ACSS3: variants seen among roughly 807,000 people sequenced by gnomAD.
ACSS3 encodes the protein acyl-CoA synthetase short chain family member 3.
In ACSS3, 64 loss-of-function variants were observed where a neutral mutation model predicts 84.2. The observed-to-expected ratio is 0.76, with a 90% confidence interval of 0.62 to 0.94. The LOEUF is 0.94. Among genes scored for constraint, ACSS3 ranks in the 40% least tolerant of loss-of-function variants. The pLI, the probability that ACSS3 is intolerant of heterozygous loss-of-function variation, is 0.00. For missense variants in ACSS3, 815 were observed against 867.6 expected (o/e 0.94, Z 0.76); for synonymous variants, 317 against 310.1 (o/e 1.02, Z -0.23).
rs757871389 is a variant in ACSS3, at chr12:81,134,812, A to T, written c.457-4A>T. ...ACTTTACTGATTTAATGGTCTTGGC[A>T]TAGGTCTCCAAGCTGGCTGGTGTCT... On this transcript the variant is annotated splice_region_variant and splice_polypyrimidine_tract_variant and intron_variant, in intron 2 of 15. Transcript: ENST00000548058. The T allele has an allele frequency of 4.5e-6, 7 of 1,549,868 alleles. No homozygotes were observed. The Admixed American group carries it at 9.1e-5, about 20-fold the overall frequency.
intron 8 of ACSS3, among the ~76,000 whole-genome samples, chr12:81,176,640 GA>G (rs1460440086): frequency 6.6e-6 from 1 of 151,590 alleles, no homozygotes; most frequent in Non-Finnish European, 1.5e-5. Context: ...AACCCTTAAT[GA>G]ACCAATAAGG....
chr12:81,171,652 A>C (rs1407324658), intron 7 of ACSS3, among the ~76,000 whole-genome samples: 1 of 152,182 alleles, frequency 6.6e-6, no homozygotes, highest in Non-Finnish European at 1.5e-5. Context: ...GACGAAAATT[A>C]GTTTGGTACA....
intron 1 of ACSS3, among the ~76,000 whole-genome samples, chr12:81,082,426 T>C (rs1161235983): frequency 6.6e-6 from 1 of 151,812 alleles, no homozygotes; most frequent in Non-Finnish European, 1.5e-5. Flanking sequence ...ATGAGAGGGG[T>C]CTAGAGGAAA....
At chr12:81,217,065 T>C (rs2032946505) in intron 10 of ACSS3, 69 bp downstream of exon 10, 1 of 1,293,608 alleles carries the variant, frequency 7.7e-7, no homozygotes, top group Non-Finnish European at 1.1e-6. Context: ...GTGTGTATTA[T>C]GTTGCATGAA....
At chr12:81,132,475 T>C (rs1169780677) in intron 2 of ACSS3, among the ~76,000 whole-genome samples, 3 of 152,174 alleles carry the variant, frequency 2.0e-5, no homozygotes, top group Non-Finnish European at 4.4e-5. Flanking sequence ...GGTGGTGATA[T>C]CCCCTTTATC....
At position 81,260,183 on chromosome 12, in the gene ACSS3, GA is replaced by G; in HGVS notation, c.*5264del. The G allele has an allele frequency of 6.6e-6, 1 of 152,210 alleles. No homozygotes were observed. Among genetic ancestry groups the G allele is most frequent in the Non-Finnish European group, 1.5e-5 (1 of 68,084 alleles). 9.4% of individuals were successfully genotyped at this position (152,210 alleles called of 1,614,324 possible). On this transcript the variant is annotated 3_prime_UTR_variant, in exon 16 of 16. Coordinates refer to ENST00000548058, the MANE Select transcript of ACSS3 (RefSeq NM_024560.4). The stretch of plus-strand genomic sequence containing the variant: ...CACAATTGCTATTACTGACACAAAA[GA>G]AACAGCAAGTAGTATGCTCTGGATT...
chr12:81,204,773 A>G (rs904559640), intron 9 of ACSS3, among the ~76,000 whole-genome samples: 1 of 152,196 alleles, frequency 6.6e-6, no homozygotes, highest in Non-Finnish European at 1.5e-5. Context: ...CCTTATGTCC[A>G]GGTACTGATG....
intron 1 of ACSS3, among the ~76,000 whole-genome samples, chr12:81,087,657 A>AT (rs1183999690): frequency 6.6e-6 from 1 of 151,916 alleles, no homozygotes; most frequent in Non-Finnish European, 1.5e-5. Context: ...CTCTCCATAC[A>AT]TTTTTTCTTA....
At chr12:81,209,288 G>A (rs991935932) in intron 9 of ACSS3, among the ~76,000 whole-genome samples, 4 of 150,312 alleles carry the variant, frequency 2.7e-5, no homozygotes, top group African/African-American at 9.8e-5. Flanking sequence ...AATGTTTTTT[G>A]TTAACTACAT....
chr12:81,179,396 G>A (rs11114781), intron 8 of ACSS3, among the ~76,000 whole-genome samples: 27,122 of 151,208 alleles, frequency 0.18, 2,768 homozygotes, highest in East Asian at 0.4. Context: ...AACAGACAAC[G>A]TAGAGTATGG....
At chr12:81,152,484 T>A (rs1886660770) in intron 7 of ACSS3, among the ~76,000 whole-genome samples, 2 of 152,188 alleles carry the variant, frequency 1.3e-5, no homozygotes. Context: ...TTGTCTCAAT[T>A]TTAAATAAAT....
At chr12:81,234,865 A>T (rs574061612) in intron 13 of ACSS3, among the ~76,000 whole-genome samples, 1 of 151,288 alleles carries the variant, frequency 6.6e-6, no homozygotes, top group South Asian at 2.1e-4. Context: ...TTATTTTATT[A>T]AAAGTGTCCA....
intron 3 of ACSS3, among the ~76,000 whole-genome samples, chr12:81,137,374 T>C (rs1885866117): frequency 6.7e-6 from 1 of 148,542 alleles, no homozygotes; most frequent in South Asian, 2.1e-4. Context: ...CCCCTAATAC[T>C]CCTTTGTTAA....
chr12:81,192,794 A>G (rs2031638334), intron 8 of ACSS3, among the ~76,000 whole-genome samples: 1 of 152,216 alleles, frequency 6.6e-6, no homozygotes, highest in Non-Finnish European at 1.5e-5. Context: ...TCCAATTAGC[A>G]AGTGTCCCAA....
intron 2 of ACSS3, among the ~76,000 whole-genome samples, chr12:81,127,451 T>C (rs1419065173): frequency 6.6e-6 from 1 of 152,176 alleles, no homozygotes; most frequent in East Asian, 1.9e-4. Flanking sequence ...TGGCTGCCTG[T>C]ATGTGTACAA....
chr12:81,203,286 C>T (rs2032192079), intron 9 of ACSS3, among the ~76,000 whole-genome samples: 1 of 152,146 alleles, frequency 6.6e-6, no homozygotes, highest in Admixed American at 6.5e-5. Context: ...GGATGGTGCC[C>T]ACTCGCACTG....
intron 7 of ACSS3, among the ~76,000 whole-genome samples, chr12:81,174,276 T>C (rs939303159): frequency 1.3e-5 from 2 of 152,202 alleles, no homozygotes; most frequent in Non-Finnish European, 2.9e-5. Flanking sequence ...GCACATCTTA[T>C]TGGATTATTT....
intron 5 of ACSS3, among the ~76,000 whole-genome samples, chr12:81,151,066 A>G (rs2135752716): frequency 6.6e-6 from 1 of 152,310 alleles, no homozygotes; most frequent in South Asian, 2.1e-4. Context: ...GAACTTAATT[A>G]TTAAATTTTC....
chr12:81,239,164 CCTAT>C (rs1345960972), intron 13 of ACSS3, among the ~76,000 whole-genome samples: 1 of 151,826 alleles, frequency 6.6e-6, no homozygotes, highest in African/African-American at 2.4e-5. Context: ...TGATTTTACA[CCTAT>C]CTTTCTGTTA....
Sources: allele counts gnomAD v4.1 joint callset (sites outside exome capture counted in the v4.1 genomes callset), GRCh38; gene constraint gnomAD v4.1.1; transcripts MANE v1.5; gene names NCBI Gene and HGNC (gene_info 2026-07-23, HGNC 2026-07-21).